Variants in CHCHD6 observed in about 807,000 individuals in gnomAD.
The protein encoded by CHCHD6 is MICOS complex subunit MIC25.
Under a neutral mutation model 32.3 loss-of-function variants are expected in CHCHD6, and 28 were observed. The ratio of observed to expected loss-of-function variants is 0.87; its 90% CI spans 0.64 to 1.19. The LOEUF (loss-of-function observed/expected upper bound fraction) is 1.19. CHCHD6 is among the 50% of genes most tolerant of loss of function. The pLI is 0.00. For synonymous variants in CHCHD6, 122 were observed against 117.5 expected (o/e 1.04, Z -0.25); for missense variants, 333 against 307.0 (o/e 1.08, Z -0.63).
chr3:126,916,954 G>A (rs1394765838), intron 6 of CHCHD6, among the ~76,000 whole-genome samples: 1 of 152,230 alleles, frequency 6.6e-6, no homozygotes, highest in Non-Finnish European at 1.5e-5. Context: ...TGGGGGAGAA[G>A]CCAGACAGCT....
At chr3:126,917,200 A>T (rs969072061) in intron 6 of CHCHD6, among the ~76,000 whole-genome samples, 1 of 152,220 alleles carries the variant, frequency 6.6e-6, no homozygotes, top group African/African-American at 2.4e-5. Flanking sequence ...CTATTTACTA[A>T]GCAATAAGTA....
chr3:126,914,857 A>G, intron 6 of CHCHD6, 107 bp downstream of exon 6: 1 of 710,288 alleles, frequency 1.4e-6, no homozygotes, highest in Non-Finnish European at 2.6e-6. Flanking sequence ...TTTCCCTAAT[A>G]ATACACACAA....
chr3:126,834,225 G>A (rs1258577723), intron 4 of CHCHD6, among the ~76,000 whole-genome samples: 1 of 152,058 alleles, frequency 6.6e-6, no homozygotes, highest in Admixed American at 6.5e-5. Context: ...AGTGACTCAG[G>A]GCTGCTGCTT....
chr3:126,771,540 T>C lies in CHCHD6; in HGVS notation c.411+38318T>C, dbSNP rs1937542973. On this transcript the variant is annotated intron_variant, in intron 4 of 7. Transcript: ENST00000290913. ...AGGGGGGTTCTCCTCTCTTATTTTC[T>C]TTGTTAGTCTAACTAGTGGTCTATC... Among the ~76,000 whole-genome samples, 5 of 152,326 alleles carry C rather than the reference T, an allele frequency of 3.3e-5. No individual in the cohort carries two copies. In the South Asian group the frequency reaches 1.0e-3, roughly 32 times the overall value.
chr3:126,827,999 T>G (rs927544703), intron 4 of CHCHD6, among the ~76,000 whole-genome samples: 14 of 152,176 alleles, frequency 9.2e-5, no homozygotes, highest in African/African-American at 3.1e-4. Context: ...CTATTTATTC[T>G]TCAAGTCTCA....
rs1392564404 is a variant in CHCHD6, at chr3:126,955,263, G to A, written c.567-2153G>A. Among the ~76,000 whole-genome samples the A allele has an allele frequency of 3.9e-4, 59 of 152,382 alleles. 1 individual carries two copies. Among genetic ancestry groups the A allele is most frequent in the East Asian group, 3.9e-4 (2 of 5,176 alleles). On this transcript the variant is annotated intron_variant, in intron 6 of 7. Coordinates refer to ENST00000290913, the MANE Select transcript of CHCHD6 (RefSeq NM_032343.3). Reference sequence around the variant, plus strand: ...CCCCAGCTGTATTCTTGCCCCAGCCGCCTGTGCGGCAGCTGACGCAGGCCA... The same window carrying A: ...CCCCAGCTGTATTCTTGCCCCAGCCACCTGTGCGGCAGCTGACGCAGGCCA...
At chr3:126,919,317 CT>C (rs756862821) in intron 6 of CHCHD6, among the ~76,000 whole-genome samples, 1,072 of 68,112 alleles carry the variant, frequency 0.016, 6 homozygotes, top group Non-Finnish European at 0.026. Flanking sequence ...TTTCTTTTTT[CT>C]TTTTTTTTTT....
chr3:126,864,557 TCCTCCTTCTCCA>T (rs1942164067), intron 5 of CHCHD6, among the ~76,000 whole-genome samples: 2 of 139,072 alleles, frequency 1.4e-5, no homozygotes, highest in Non-Finnish European at 3.1e-5. Flanking sequence ...CTCCTCCTCC[TCCTCCTTCTCCA>T]CCACCTCCTT....
chr3:126,863,816 C>CCTT (rs1378668636), intron 5 of CHCHD6, among the ~76,000 whole-genome samples: 2 of 149,426 alleles, frequency 1.3e-5, no homozygotes, highest in East Asian at 2.1e-4. Context: ...ATCATCACCA[C>CCTT]CTCCTCCTCT....
Position 126,733,144 on chromosome 3 carries a change from T to C in CHCHD6, c.333T>C (p.Ala111=). The C allele has an allele frequency of 6.2e-7, 1 of 1,614,184 alleles. No homozygotes were observed. Among genetic ancestry groups the C allele is most frequent in the Non-Finnish European group, 8.5e-7 (1 of 1,180,010 alleles). ...LFQVAKRERE[A]ATKHSKASLP... ...AGGTGGCAAAGAGGGAAAGAGAGGC[T>C]GCCACCAAGCACTCCAAGGCATCCC... Residue 111 remains alanine (A), a synonymous_variant, in exon 4 of 8, where the codon GCT becomes GCC. Transcript: ENST00000290913.
At chr3:126,768,301 A>C (rs578005902) in intron 4 of CHCHD6, among the ~76,000 whole-genome samples, 3 of 152,070 alleles carry the variant, frequency 2.0e-5, no homozygotes, top group Non-Finnish European at 4.4e-5. Flanking sequence ...CTGCCCTGTA[A>C]GACAGCTGTT....
In CHCHD6 at chr3:126,704,303, G is replaced by A. The variant is rs749577943; in HGVS notation, c.-10G>A. 1.2e-5 allele frequency: 19 copies of A among 1,601,510 alleles called. No individual in the cohort carries two copies. The highest frequency in any genetic ancestry group is 1.6e-5 in the Non-Finnish European group (19 of 1,176,218). Reference sequence around the variant, plus strand: ...GGGTCTGGTGGCTGCCGGCCCTGCGGCATCTCGCCATGGGGAGCACGGAGA... The same window carrying A: ...GGGTCTGGTGGCTGCCGGCCCTGCGACATCTCGCCATGGGGAGCACGGAGA... On this transcript the variant is annotated 5_prime_UTR_variant, in exon 1 of 8. Transcript: ENST00000290913.
chr3:126,932,526 C>T lies in CHCHD6; in HGVS notation c.566+17776C>T, dbSNP rs191296621. 1.2e-3 allele frequency among the ~76,000 whole-genome samples: 190 copies of T among 152,344 alleles called. 2 individuals are homozygous for T. The highest frequency in any genetic ancestry group is 4.1e-3 in the Admixed American group (63 of 15,306). ...TTTTCCTCTGGTGAGGAGGCCTTCC[C>T]CCACCCCGCTTCTTCCCAGAGTTAG... is the stretch of plus-strand genomic sequence containing the variant. On this transcript the variant is annotated intron_variant, in intron 6 of 7. Transcript: ENST00000290913.
chr3:126,948,109 C>T (rs1199993030), intron 6 of CHCHD6, among the ~76,000 whole-genome samples: 1 of 152,236 alleles, frequency 6.6e-6, no homozygotes, highest in African/African-American at 2.4e-5. Context: ...GTCATTCCTG[C>T]CCATCCCCGC....
chr3:126,820,176 C>A (rs1940088610), intron 4 of CHCHD6, among the ~76,000 whole-genome samples: 1 of 152,168 alleles, frequency 6.6e-6, no homozygotes, highest in African/African-American at 2.4e-5. Context: ...CTTTCTTTGG[C>A]CTCTCTGGCC....
At position 126,914,612 on chromosome 3, in the gene CHCHD6, T is replaced by A. The variant is rs1423203048; in HGVS notation, c.496-68T>A. ...TAGCATCTGTCAATTTCTAATGTGG[T>A]TGCATCCCATTAGAGAGCAGAGGGA... On this transcript the variant is annotated intron_variant, in intron 5 of 7. Transcript: ENST00000290913. 4.7e-6 allele frequency: 4 copies of A among 859,992 alleles called. No individual in the cohort carries two copies. In the Admixed American group the frequency reaches 5.2e-5, roughly 11 times the overall value. The allele number at this position is 859,992 out of a possible 1,614,324, so 53.3% of individuals were successfully genotyped here. A position where few individuals can be genotyped will look rare whatever the true frequency, so the allele number is the denominator to read the frequency against.
chr3:126,721,103 T>G (rs1305982920), intron 1 of CHCHD6, among the ~76,000 whole-genome samples: 3 of 152,260 alleles, frequency 2.0e-5, no homozygotes, highest in Non-Finnish European at 4.4e-5. Context: ...CTCTGTGCTC[T>G]CGTTCATTCC....
At chr3:126,717,133 C>T (rs540778253) in intron 1 of CHCHD6, among the ~76,000 whole-genome samples, 1 of 152,242 alleles carries the variant, frequency 6.6e-6, no homozygotes, top group South Asian at 2.1e-4. Flanking sequence ...GCTTCATGGA[C>T]TGGGCAAGTT....
intron 5 of CHCHD6, among the ~76,000 whole-genome samples, chr3:126,898,396 C>A (rs900509816): frequency 6.6e-6 from 1 of 152,186 alleles, no homozygotes; most frequent in East Asian, 1.9e-4. Flanking sequence ...CGCATCTGGC[C>A]AGCTGGGGCA....
Sources: allele counts gnomAD v4.1 joint callset (sites outside exome capture counted in the v4.1 genomes callset), GRCh38; gene constraint gnomAD v4.1.1; transcripts MANE v1.5; gene names NCBI Gene and HGNC (gene_info 2026-07-23, HGNC 2026-07-21).